The following SLC25A21 variants were observed in gnomAD, a reference collection of about 807,000 sequenced individuals.
The protein encoded by SLC25A21 is solute carrier family 25 member 21, also known as mitochondrial 2-oxodicarboxylate carrier.
SLC25A21 carries 47 observed loss-of-function variants against 43.8 expected under a neutral mutation model. That is an observed-to-expected ratio of 1.07 (90% CI 0.85 to 1.37). The LOEUF is 1.37. Among genes scored for constraint, SLC25A21 ranks in the 40% most tolerant of loss-of-function variants. The probability of loss-of-function intolerance (pLI) is 0.00; values close to 1 mark genes in which losing one functional copy is unlikely to be tolerated. For missense variants in SLC25A21, 352 were observed against 350.2 expected (o/e 1.00, Z -0.04); for synonymous variants, 131 against 121.3 (o/e 1.08, Z -0.52).
At chr14:36,864,232 T>C (rs575081528) in intron 2 of SLC25A21, among the ~76,000 whole-genome samples, 47 of 152,346 alleles carry the variant, frequency 3.1e-4, no homozygotes, top group African/African-American at 1.0e-3. Context: ...TAGGCAATGA[T>C]GAATTTAATT....
At position 36,795,003 on chromosome 14, in the gene SLC25A21, T is replaced by C. The variant is rs557293181; in HGVS notation, c.203+18915A>G. ...TTACGACTTGGTGGCCACTAGACCA[T>C]GCTAGTAAAAACTTTATTTATTATG... On this transcript the variant is annotated intron_variant, in intron 3 of 9. Coordinates refer to ENST00000331299, the MANE Select transcript of SLC25A21 (RefSeq NM_030631.4). Among the ~76,000 whole-genome samples, 9 of 152,246 alleles carry C rather than the reference T, an allele frequency of 5.9e-5. No homozygotes were observed. In the East Asian group the frequency reaches 1.3e-3, roughly 23 times the overall value.
chr14:37,165,832 C>T (rs1227079458), intron 1 of SLC25A21, among the ~76,000 whole-genome samples: 1 of 152,084 alleles, frequency 6.6e-6, no homozygotes, highest in African/African-American at 2.4e-5. Flanking sequence ...TTTGGGAACA[C>T]AGGGAAGGGT....
intron 1 of SLC25A21, among the ~76,000 whole-genome samples, chr14:37,034,648 C>T (rs1226424574): frequency 6.6e-6 from 1 of 152,182 alleles, no homozygotes; most frequent in Non-Finnish European, 1.5e-5. Flanking sequence ...ACAAAAACAC[C>T]CGCGTGCATC....
chr14:37,061,712 GAA>G (rs1235491046), intron 1 of SLC25A21, among the ~76,000 whole-genome samples: 1 of 152,176 alleles, frequency 6.6e-6, no homozygotes, highest in East Asian at 1.9e-4. Flanking sequence ...CCTGAGACAA[GAA>G]AACAGTCTTA....
At chr14:36,706,657 C>T (rs1324652133) in intron 7 of SLC25A21, among the ~76,000 whole-genome samples, 3 of 152,144 alleles carry the variant, frequency 2.0e-5, no homozygotes, top group Non-Finnish European at 2.9e-5. Context: ...GTTTCAGTTG[C>T]TCAAGCCAAA....
chr14:37,121,820 T>C (rs1014701559), intron 1 of SLC25A21, among the ~76,000 whole-genome samples: 1 of 151,840 alleles, frequency 6.6e-6, no homozygotes, highest in African/African-American at 2.4e-5. Context: ...AAGCAAAAAG[T>C]GTTGTTTCTA....
rs552346681 is a variant in SLC25A21, at chr14:37,068,938, G to C, written c.70+103343C>G. Reference sequence around the variant, plus strand: ...GCCTGTAATCCCAGCACTTTGGGAGGTCGAGGCGGGCAGATAACGAGGTCA... The same window carrying C: ...GCCTGTAATCCCAGCACTTTGGGAGCTCGAGGCGGGCAGATAACGAGGTCA... On this transcript the variant is annotated intron_variant, in intron 1 of 9. Transcript: ENST00000331299. 7.5e-3 allele frequency among the ~76,000 whole-genome samples: 1,147 copies of C among 152,288 alleles called. 7 individuals carry two copies. Among genetic ancestry groups the C allele is most frequent in the Non-Finnish European group, 0.013 (865 of 68,028 alleles).
intron 1 of SLC25A21, among the ~76,000 whole-genome samples, chr14:37,093,717 G>A (rs1007677915): frequency 1.2e-4 from 19 of 152,154 alleles, no homozygotes; most frequent in African/African-American, 4.1e-4. Flanking sequence ...AAAAGTGGGG[G>A]GAGGATGAAG....
chr14:37,090,123 G>A (rs1962557272), intron 1 of SLC25A21, among the ~76,000 whole-genome samples: 1 of 152,118 alleles, frequency 6.6e-6, no homozygotes, highest in African/African-American at 2.4e-5. Context: ...ACAGATCACT[G>A]AGCTACTTAA....
chr14:37,094,389 T>A (rs762982431), intron 1 of SLC25A21, among the ~76,000 whole-genome samples: 2 of 152,186 alleles, frequency 1.3e-5, no homozygotes, highest in Non-Finnish European at 2.9e-5. Context: ...TGATGCCTAT[T>A]AATATGGAAA....
At chr14:37,147,384 TG>T (rs1963683364) in intron 1 of SLC25A21, among the ~76,000 whole-genome samples, 1 of 152,174 alleles carries the variant, frequency 6.6e-6, no homozygotes, top group Non-Finnish European at 1.5e-5. Context: ...CCTATTCAAA[TG>T]GCCCTCCTGG....
chr14:36,837,765 G>A (rs1396207914), intron 2 of SLC25A21, among the ~76,000 whole-genome samples: 2 of 152,118 alleles, frequency 1.3e-5, no homozygotes, highest in African/African-American at 4.8e-5. Flanking sequence ...TATAGCTAAC[G>A]CTCAAACTCC....
At chr14:37,163,184 T>A (rs1963977062) in intron 1 of SLC25A21, among the ~76,000 whole-genome samples, 1 of 152,008 alleles carries the variant, frequency 6.6e-6, no homozygotes, top group East Asian at 1.9e-4. Flanking sequence ...GAGATATACC[T>A]AATGCTAGAT....
At chr14:37,046,049 G>A (rs1035634897) in intron 1 of SLC25A21, among the ~76,000 whole-genome samples, 12 of 152,294 alleles carry the variant, frequency 7.9e-5, no homozygotes, top group African/African-American at 2.9e-4. Context: ...CCCTATTAGT[G>A]AGGAATATGA....
chr14:37,122,984 C>G (rs1963235823), intron 1 of SLC25A21, among the ~76,000 whole-genome samples: 1 of 152,212 alleles, frequency 6.6e-6, no homozygotes, highest in Non-Finnish European at 1.5e-5. Flanking sequence ...CAAATAGATA[C>G]TTGCTTCTCA....
intron 1 of SLC25A21, among the ~76,000 whole-genome samples, chr14:37,106,572 A>G (rs531007203): frequency 6.6e-6 from 1 of 152,280 alleles, no homozygotes; most frequent in South Asian, 2.1e-4. Flanking sequence ...ATGTTTATCA[A>G]GACAATACAA....
chr14:36,820,927 A>T, intron 2 of SLC25A21, among the ~76,000 whole-genome samples: 1 of 152,236 alleles, frequency 6.6e-6, no homozygotes, highest in Non-Finnish European at 1.5e-5. Flanking sequence ...TAACAGACTA[A>T]AGGTTTGCAA....
At chr14:36,953,464 C>G (rs1382748817) in intron 1 of SLC25A21, among the ~76,000 whole-genome samples, 2 of 152,012 alleles carry the variant, frequency 1.3e-5, no homozygotes, top group South Asian at 2.1e-4. Flanking sequence ...GAACAAAACA[C>G]GATTGTGAAG....
At chr14:36,926,763 T>C (rs1396309881) in intron 1 of SLC25A21, among the ~76,000 whole-genome samples, 1 of 152,204 alleles carries the variant, frequency 6.6e-6, no homozygotes, top group African/African-American at 2.4e-5. Flanking sequence ...AAACTTCGTA[T>C]GCTCCCCCTA....
Sources: allele counts gnomAD v4.1 joint callset (sites outside exome capture counted in the v4.1 genomes callset), GRCh38; gene constraint gnomAD v4.1.1; transcripts MANE v1.5; gene names NCBI Gene and HGNC (gene_info 2026-07-23, HGNC 2026-07-21).